SLC25A16: variants seen among roughly 807,000 people sequenced by gnomAD.
The protein encoded by SLC25A16 is solute carrier family 25 member 16.
In SLC25A16, 39 loss-of-function variants were observed where a neutral mutation model predicts 41.5. That is an observed-to-expected ratio of 0.94 (90% CI 0.73 to 1.23). SLC25A16 has a LOEUF of 1.23. Among genes scored for constraint, SLC25A16 ranks in the 50% most tolerant of loss-of-function variants. The probability of loss-of-function intolerance (pLI) is 0.00; values close to 1 mark genes in which losing one functional copy is unlikely to be tolerated. For synonymous variants in SLC25A16, 146 were observed against 147.8 expected, an observed-to-expected ratio of 0.99 and a Z score of 0.09; for missense variants, 421 against 426.9, an observed-to-expected ratio of 0.99 and a Z score of 0.12.
At chr10:68,489,572 G>A (rs767969866) in intron 6 of SLC25A16, among the ~76,000 whole-genome samples, 16 of 152,066 alleles carry the variant, frequency 1.1e-4, no homozygotes, top group Non-Finnish European at 1.2e-4. Context: ...AAATTCAAGC[G>A]TTCCTCCCAA....
chr10:68,493,639 G>C (rs578118481), intron 4 of SLC25A16, 69 bp from the exon 5 acceptor site: 1 of 1,228,412 alleles, frequency 8.1e-7, no homozygotes, highest in Non-Finnish European at 1.2e-6. Context: ...CCTATCATTA[G>C]TATTATTCTC....
At chr10:68,511,860 AT>A (rs1252932932) in intron 2 of SLC25A16, among the ~76,000 whole-genome samples, 210 of 144,536 alleles carry the variant, frequency 1.5e-3, no homozygotes, top group Non-Finnish European at 1.6e-3. Flanking sequence ...CATGCATTTA[AT>A]TTTTTTTTTT....
chr10:68,493,407 T>C, intron 5 of SLC25A16, 42 bp downstream of exon 5: 2 of 1,555,440 alleles, frequency 1.3e-6, no homozygotes, highest in Non-Finnish European at 1.8e-6. Context: ...TTCCTAAGTA[T>C]AAAAGGGCAT....
intron 4 of SLC25A16, among the ~76,000 whole-genome samples, chr10:68,501,820 T>C (rs1371453725): frequency 1.3e-5 from 2 of 152,156 alleles, no homozygotes; most frequent in Non-Finnish European, 2.9e-5. Flanking sequence ...ACAAGTCATA[T>C]GGAAAACTTA....
chr10:68,488,490 A>G lies in SLC25A16; in HGVS notation c.750T>C (p.Ala250=). The G allele has an allele frequency of 6.4e-7, 1 of 1,559,670 alleles. No individual in the cohort carries two copies. Among genetic ancestry groups the G allele is most frequent in the Non-Finnish European group, 8.6e-7 (1 of 1,162,294 alleles). The stretch of plus-strand genomic sequence containing the variant: ...ACGATATTGTCTGCGCTATTGCTCC[A>G]GCAACACCACCACAAAGTAAGTTTA... ...THVNLLCGGV[A]GAIAQTISYP... The change falls in exon 7 of 9, where the codon GCT becomes GCC. Residue 250 remains alanine, a synonymous_variant. Coordinates refer to ENST00000609923, the MANE Select transcript of SLC25A16 (RefSeq NM_152707.4).
At chr10:68,514,778 C>T (rs1194875939) in intron 2 of SLC25A16, among the ~76,000 whole-genome samples, 18 of 151,904 alleles carry the variant, frequency 1.2e-4, no homozygotes, top group Admixed American at 1.2e-3. Context: ...GCTCTTGTCC[C>T]CCAGGCTGGA....
chr10:68,491,232 T>C (rs1313071218), intron 6 of SLC25A16, among the ~76,000 whole-genome samples: 1 of 151,868 alleles, frequency 6.6e-6, no homozygotes. Flanking sequence ...TTGCTTTTTT[T>C]TTTTCTTTTT....
chr10:68,503,676 C>A lies in SLC25A16; in HGVS notation c.377G>T (p.Gly126Val), dbSNP rs759519711. Reference sequence around the variant, plus strand: ...TAATCTGTGCACATGACCTGAAATTCCCAGCTTCGTAGTAATTAACTAGAA... The same window carrying A: ...TAATCTGTGCACATGACCTGAAATTACCAGCTTCGTAGTAATTAACTAGAA... Reference protein sequence around the residue: ...HYKTLITTKLGISGHVHRLMA... With the variant: ...HYKTLITTKLVISGHVHRLMA... The change falls in exon 4 of 9, where the codon GGA becomes GTA. Residue 126 changes from glycine to valine, a missense_variant. Coordinates refer to ENST00000609923, the MANE Select transcript of SLC25A16 (RefSeq NM_152707.4). The A allele has an allele frequency of 3.1e-5, 49 of 1,604,696 alleles. No individual in the cohort carries two copies. The Admixed American group carries it at 7.9e-4, about 26-fold the overall frequency.
intron 4 of SLC25A16, among the ~76,000 whole-genome samples, chr10:68,500,583 C>T (rs1369627980): frequency 6.7e-6 from 1 of 149,714 alleles, no homozygotes; most frequent in Non-Finnish European, 1.5e-5. Flanking sequence ...GCTGGGATTA[C>T]AGGCAAGAGC....
rs553216617 is a variant in SLC25A16, at chr10:68,479,574, G to C, written c.*3858C>G. 32 of 143,860 alleles carry C rather than the reference G, an allele frequency of 2.2e-4. No individual in the cohort carries two copies. The highest frequency in any genetic ancestry group is 8.3e-4 in the African/African-American group (28 of 33,564). 8.9% of individuals were successfully genotyped at this position (143,860 alleles called of 1,614,324 possible). ...TAGTCCCAGCATTTTGGGAAGTCGG[G>C]GGGGCAGATCACTTGAGGTCAGGTA... On this transcript the variant is annotated 3_prime_UTR_variant, in exon 9 of 9. Coordinates refer to ENST00000609923, the MANE Select transcript of SLC25A16 (RefSeq NM_152707.4).
At chr10:68,512,431 A>C (rs1266156189) in intron 2 of SLC25A16, among the ~76,000 whole-genome samples, 1 of 91,234 alleles carries the variant, frequency 1.1e-5, no homozygotes, top group Non-Finnish European at 2.2e-5. Context: ...AGGTCAGGAG[A>C]TCGAGACCAT....
At chr10:68,525,302 A>AT (rs1447242895) in intron 1 of SLC25A16, among the ~76,000 whole-genome samples, 1 of 151,790 alleles carries the variant, frequency 6.6e-6, no homozygotes, top group Non-Finnish European at 1.5e-5. Context: ...CGCCTGACAA[A>AT]TTTTTGTAGT....
chr10:68,506,084 A>G (rs1253930835), intron 3 of SLC25A16, among the ~76,000 whole-genome samples: 2 of 152,146 alleles, frequency 1.3e-5, no homozygotes, highest in Non-Finnish European at 2.9e-5. Flanking sequence ...ATGACTAACA[A>G]TTCTGGAATC....
At chr10:68,524,081 C>T (rs1256701985) in intron 1 of SLC25A16, among the ~76,000 whole-genome samples, 2 of 151,754 alleles carry the variant, frequency 1.3e-5, no homozygotes, top group East Asian at 1.9e-4. Flanking sequence ...GAGGTCAAGG[C>T]GGGCGGATCA....
intron 1 of SLC25A16, among the ~76,000 whole-genome samples, chr10:68,519,180 GA>G (rs1306347630): frequency 6.6e-6 from 1 of 150,520 alleles, no homozygotes; most frequent in African/African-American, 2.4e-5. Context: ...CAACAAGAAT[GA>G]AACTCCGTCT....
rs1241451140 is a variant in SLC25A16, at chr10:68,483,415, C to G, written c.*17G>C. On this transcript the variant is annotated 3_prime_UTR_variant, in exon 9 of 9. Coordinates refer to ENST00000609923, the MANE Select transcript of SLC25A16 (RefSeq NM_152707.4). ...CCCTCTGAGAATGTATTAAGAAAAA[C>G]CAACCATAATTTTTTTTTAGTTGAG... The G allele has an allele frequency of 1.3e-6, 2 of 1,531,220 alleles. No individual in the cohort carries two copies. Among genetic ancestry groups the G allele is most frequent in the East Asian group, 2.3e-5 (1 of 43,852 alleles). 94.9% of individuals were successfully genotyped at this position (1,531,220 alleles called of 1,614,324 possible). A position where few individuals can be genotyped will look rare whatever the true frequency, so the allele number is the denominator to read the frequency against.
At chr10:68,495,408 C>T (rs911724051) in intron 4 of SLC25A16, among the ~76,000 whole-genome samples, 13 of 151,296 alleles carry the variant, frequency 8.6e-5, no homozygotes, top group African/African-American at 3.2e-4. Flanking sequence ...CAGCCAGACT[C>T]TGTCTCAAAA....
At chr10:68,525,541 TCTCCTGGACTCAAGCAGTCTTCCTGC>T (rs2053323653) in intron 1 of SLC25A16, among the ~76,000 whole-genome samples, 1 of 152,084 alleles carries the variant, frequency 6.6e-6, no homozygotes, top group Admixed American at 6.6e-5. Context: ...GGAGCCTCGA[TCTCCTGGACTCAAGCAGTCTTCCTGC>T]CTCAGCTTCC....
At chr10:68,493,392 A>G (rs1317767953) in intron 5 of SLC25A16, 57 bp downstream of exon 5, 1 of 1,451,534 alleles carries the variant, frequency 6.9e-7, no homozygotes, top group African/African-American at 1.4e-5. Flanking sequence ...GACATTCAAA[A>G]TATTTTCCTA....
Sources: gnomAD v4.1 joint callset for allele counts (sites outside exome capture counted in the v4.1 genomes callset) on GRCh38, gnomAD v4.1.1 for gene constraint, MANE v1.5 for transcripts, NCBI Gene and HGNC (gene_info 2026-07-23, HGNC 2026-07-21) for gene names.